Variants in TFB1M observed in about 807,000 individuals in gnomAD.
TFB1M encodes transcription factor B1, mitochondrial.
A neutral mutation model predicts 31.1 loss-of-function variants in TFB1M; 27 were observed. That is an observed-to-expected ratio of 0.87 (90% CI 0.64 to 1.20). TFB1M has a LOEUF of 1.20. Among genes scored for constraint, TFB1M ranks in the 50% most tolerant of loss-of-function variants. TFB1M has a pLI of 0.00. For missense variants in TFB1M, 394 were observed against 418.7 expected, an observed-to-expected ratio of 0.94 and a Z score of 0.51; for synonymous variants, 166 against 151.8, an observed-to-expected ratio of 1.09 and a Z score of -0.69.
At chr6:155,245,365 A>G in the TFB1M span, among the ~76,000 whole-genome samples, 1 of 152,178 alleles carries the variant, frequency 6.6e-6, no homozygotes, top group African/African-American at 2.4e-5. Flanking sequence ...GTATTTTTGT[A>G]GAACTTTCTT....
chr6:155,257,647 G>T lies in TFB1M; in HGVS notation c.*189C>A. On this transcript the variant is annotated 3_prime_UTR_variant, in exon 7 of 7. Coordinates refer to ENST00000367166, the MANE Select transcript of TFB1M (RefSeq NM_016020.4). ...ACTATCTATACAGTATATATTAAAAGAAAGCTTGTACTGTATCTTATTTGA... is the reference window on the plus strand; with the variant it reads ...ACTATCTATACAGTATATATTAAAATAAAGCTTGTACTGTATCTTATTTGA... 2 of 629,338 alleles carry T rather than the reference G, an allele frequency of 3.2e-6. No homozygotes were observed. Among genetic ancestry groups the T allele is most frequent in the Admixed American group, 2.9e-5 (1 of 33,960 alleles). 39.0% of individuals were successfully genotyped at this position (629,338 alleles called of 1,614,324 possible). A position where few individuals can be genotyped will look rare whatever the true frequency, so the allele number is the denominator to read the frequency against.
chr6:155,237,495 G>A, the TFB1M span, among the ~76,000 whole-genome samples: 1 of 152,214 alleles, frequency 6.6e-6, no homozygotes, highest in Non-Finnish European at 1.5e-5. Flanking sequence ...TCTGTGTGGG[G>A]CTCCAACCCC....
At chr6:155,243,911 A>T in the TFB1M span, 4 of 622,528 alleles carry the variant, frequency 6.4e-6, no homozygotes, top group African/African-American at 1.9e-5. Flanking sequence ...CATTATCCTG[A>T]TGGGAGCCTT....
At position 155,256,606 on chromosome 6, in the gene TFB1M, G is replaced by A. The variant is rs372223354; in HGVS notation, c.*1230C>T. On this transcript the variant is annotated 3_prime_UTR_variant, in exon 7 of 7. Coordinates refer to ENST00000367166, the MANE Select transcript of TFB1M (RefSeq NM_016020.4). ...CTTGAGCAGCGGCACCCAGAGCAGCGGCTGCCCCACGGCTGAGGGCAGGCA... is the reference window on the plus strand; with the variant it reads ...CTTGAGCAGCGGCACCCAGAGCAGCAGCTGCCCCACGGCTGAGGGCAGGCA... 8.1e-6 allele frequency: 13 copies of A among 1,614,038 alleles called. 1 individual carries two copies. Among genetic ancestry groups the A allele is most frequent in the South Asian group, 4.4e-5 (4 of 91,084 alleles).
Position 155,298,523 on chromosome 6 carries a change from CT to C in TFB1M, c.347del (p.Lys116ArgfsTer2). ...RIVHGDVLTF[K>X]VEKAFSESLK... ...GACTTTCTGAAAAAGCCTTTTCTAC[CT>C]TAAATGTCAAGACATCTCCATGAAC... On this transcript the variant is annotated frameshift_variant, in exon 3 of 7. Coordinates refer to ENST00000367166, the MANE Select transcript of TFB1M (RefSeq NM_016020.4). LOFTEE classifies it high-confidence loss of function. The C allele has an allele frequency of 6.2e-7, 1 of 1,613,472 alleles. No individual in the cohort carries two copies. The highest frequency in any genetic ancestry group is 8.5e-7 in the Non-Finnish European group (1 of 1,179,640).
rs1222885102 is a variant in TFB1M at position 155,305,724 on chromosome 6, T to TATATAA, written c.285+5463_285+5464insTTATAT. Among the ~76,000 whole-genome samples the TATATAA allele has an allele frequency of 6.8e-3, 131 of 19,260 alleles. 5 individuals are homozygous for TATATAA. The East Asian group carries it at 0.12, about 17-fold the overall frequency. 12.6% of individuals were successfully genotyped at this position (19,260 alleles called of 152,430 possible). ...AAATATATATTAAATTATATATTTA[T>TATATAA]ATATATATTAAATTATATATTTATA... On this transcript the variant is annotated intron_variant, in intron 2 of 6. Coordinates refer to ENST00000367166, the MANE Select transcript of TFB1M (RefSeq NM_016020.4).
chr6:155,314,436 G>T lies in TFB1M; in HGVS notation c.-8C>A, dbSNP rs780454863. ...TTTTCCGGAGGCAGCCATGATACGC[G>T]GCAAGCACCATCCAACCCTACCTCA... On this transcript the variant is annotated 5_prime_UTR_variant, in exon 1 of 7. Coordinates refer to ENST00000367166, the MANE Select transcript of TFB1M (RefSeq NM_016020.4). 5 of 1,614,128 alleles carry T rather than the reference G, an allele frequency of 3.1e-6. No individual in the cohort carries two copies. The highest frequency in any genetic ancestry group is 2.2e-5 in the East Asian group (1 of 44,878).
chr6:155,278,623 A>G (rs912494045), intron 5 of TFB1M, among the ~76,000 whole-genome samples: 61 of 152,348 alleles, frequency 4.0e-4, no homozygotes, highest in African/African-American at 1.4e-3. Flanking sequence ...CTTACAGGAC[A>G]CTGAGGGCGA....
intron 4 of TFB1M, among the ~76,000 whole-genome samples, chr6:155,290,231 A>C (rs1304758555): frequency 1.3e-5 from 2 of 151,764 alleles, no homozygotes; most frequent in African/African-American, 4.8e-5. Flanking sequence ...CTAAAAATGC[A>C]AAAAATTAGC....
At chr6:155,261,362 G>A (rs961749697) in intron 5 of TFB1M, among the ~76,000 whole-genome samples, 2 of 152,190 alleles carry the variant, frequency 1.3e-5, no homozygotes, top group South Asian at 4.1e-4. Context: ...GGAGGTGTGG[G>A]CTGCACCACT....
At chr6:155,255,337 CGTT>C (rs1562377667), downstream of TFB1M, 1 of 152,126 alleles carries the variant, frequency 6.6e-6, no homozygotes, top group Non-Finnish European at 1.5e-5. Context: ...TTTCAAATCA[CGTT>C]GTTCTTTCTG....
chr6:155,287,498 TATA>T (rs1776715445), intron 4 of TFB1M, among the ~76,000 whole-genome samples: 1 of 151,882 alleles, frequency 6.6e-6, no homozygotes, highest in Non-Finnish European at 1.5e-5. Flanking sequence ...ATTTGTACAG[TATA>T]ATGCTATTTG....
chr6:155,302,364 T>C (rs1777468251), intron 2 of TFB1M, among the ~76,000 whole-genome samples: 1 of 152,178 alleles, frequency 6.6e-6, no homozygotes, highest in South Asian at 2.1e-4. Context: ...GAATCTATAG[T>C]ATAAAATATA....
At chr6:155,260,628 A>G in intron 5 of TFB1M, 1 of 596,290 alleles carries the variant, frequency 1.7e-6, no homozygotes, top group Non-Finnish European at 3.0e-6. Context: ...AATGACATCC[A>G]CCAGACCTGT....
downstream of TFB1M, chr6:155,254,285 A>T: frequency 8.3e-7 from 1 of 1,199,400 alleles, no homozygotes; most frequent in Non-Finnish European, 1.2e-6. Flanking sequence ...GGGAGGCCAC[A>T]TGGCACTGCT....
chr6:155,245,115 CCTT>C, the TFB1M span, among the ~76,000 whole-genome samples: 1 of 152,200 alleles, frequency 6.6e-6, no homozygotes, highest in Non-Finnish European at 1.5e-5. Flanking sequence ...TGTGCCCAAT[CCTT>C]CTTCCCCGTG....
chr6:155,237,508 A>C, the TFB1M span, among the ~76,000 whole-genome samples: 1 of 152,180 alleles, frequency 6.6e-6, no homozygotes, highest in African/African-American at 2.4e-5. Context: ...CCAACCCCAC[A>C]TTTCCCTTCT....
At chr6:155,309,341 C>A (rs1777918804) in intron 2 of TFB1M, among the ~76,000 whole-genome samples, 1 of 152,176 alleles carries the variant, frequency 6.6e-6, no homozygotes, top group African/African-American at 2.4e-5. Context: ...AACAGACACA[C>A]ATTTCTACCC....
chr6:155,283,050 T>C (rs1776457065), intron 5 of TFB1M, among the ~76,000 whole-genome samples: 1 of 151,686 alleles, frequency 6.6e-6, no homozygotes, highest in Admixed American at 6.6e-5. Context: ...TTTTAAAACA[T>C]TTGCTCAATG....
Sources: allele counts gnomAD v4.1 joint callset (sites outside exome capture counted in the v4.1 genomes callset), GRCh38; gene constraint gnomAD v4.1.1; transcripts MANE v1.5; gene names NCBI Gene and HGNC (gene_info 2026-07-23, HGNC 2026-07-21).